Variants in ATP5MC2 observed in about 807,000 individuals in gnomAD.
ATP5MC2 encodes the protein ATP synthase F(0) complex subunit C2, mitochondrial.
A neutral mutation model predicts 13.5 loss-of-function variants in ATP5MC2; 11 were observed. The observed-to-expected ratio is 0.81, with a 90% CI of 0.51 to 1.35. The LOEUF (loss-of-function observed/expected upper bound fraction) is 1.35, where lower values mean the gene tolerates loss of function less well. Ranked by LOEUF, ATP5MC2 falls within the 40% of genes most tolerant of loss-of-function variation. The pLI, the probability that ATP5MC2 is intolerant of heterozygous loss-of-function variation, is 0.00. For missense variants in ATP5MC2, 132 were observed against 175.0 expected (o/e 0.75, Z 1.39); for synonymous variants, 64 against 69.7 (o/e 0.92, Z 0.41).
upstream of ATP5MC2, chr12:53,676,297 TC>T: frequency 6.6e-7 from 1 of 1,517,226 alleles, no homozygotes; most frequent in South Asian, 1.3e-5. Flanking sequence ...TGAGGCCAAC[TC>T]CGCGGAGTAA....
upstream of ATP5MC2, among the ~76,000 whole-genome samples, chr12:53,679,271 G>T (rs1945327959): frequency 6.6e-6 from 1 of 150,772 alleles, no homozygotes. Context: ...GAGAGAGAGA[G>T]AGAGAGAGAC....
chr12:53,674,467 G>A (rs935679013), intron 1 of ATP5MC2, among the ~76,000 whole-genome samples: 1 of 152,230 alleles, frequency 6.6e-6, no homozygotes, highest in Non-Finnish European at 1.5e-5. Flanking sequence ...TGAAACTGTG[G>A]TAGTGGTAGA....
upstream of ATP5MC2, chr12:53,677,159 C>A: frequency 1.3e-5 from 2 of 152,968 alleles, no homozygotes; most frequent in South Asian, 3.7e-4. Context: ...TTTGTCCTCC[C>A]CTCCTTGGCC....
intron 4 of ATP5MC2, among the ~76,000 whole-genome samples, chr12:53,667,950 CACACACATATAT>C (rs1456324895): frequency 4.0e-3 from 149 of 37,260 alleles, no homozygotes; most frequent in African/African-American, 0.012. Context: ...TACATACATA[CACACACATATAT>C]ATATATATAT....
upstream of ATP5MC2, among the ~76,000 whole-genome samples, chr12:53,680,918 G>T (rs958995758): frequency 4.0e-5 from 6 of 151,690 alleles, no homozygotes; most frequent in African/African-American, 9.7e-5. Flanking sequence ...AATTATTTTT[G>T]TGGGGGAGGT....
chr12:53,670,054 A>G (rs2138029082), intron 2 of ATP5MC2, 106 bp from the exon 3 acceptor site: 2 of 1,005,512 alleles, frequency 2.0e-6, no homozygotes, highest in Non-Finnish European at 3.1e-6. Context: ...CTTTCCTCTC[A>G]TGGCCTTTCC....
At position 53,672,083 on chromosome 12, in the gene ATP5MC2, C is replaced by CAAAAAAAAAAAAAAAAAAAA. The variant is rs916010110; in HGVS notation, c.39+473_39+492dup. On this transcript the variant is annotated intron_variant, in intron 2 of 4. Coordinates refer to ENST00000394349, the MANE Select transcript of ATP5MC2 (RefSeq NM_005176.7). Reference sequence around the variant, plus strand: ...GGGCAACAAGAGCGAAACTCTGTCTCAAAAAAAAAAAAAAAAAAAAAATTA... The same window carrying CAAAAAAAAAAAAAAAAAAAA: ...GGGCAACAAGAGCGAAACTCTGTCTCAAAAAAAAAAAAAAAAAAAAAAAAAAAAAAAAAAAAAAAAAATTA... 7.6e-3 allele frequency among the ~76,000 whole-genome samples: 357 copies of CAAAAAAAAAAAAAAAAAAAA among 47,104 alleles called. 27 individuals are homozygous for CAAAAAAAAAAAAAAAAAAAA. The highest frequency in any genetic ancestry group is 0.015 in the East Asian group (17 of 1,106). 30.9% of individuals were successfully genotyped at this position (47,104 alleles called of 152,430 possible). A position where few individuals can be genotyped will look rare whatever the true frequency, so the allele number is the denominator to read the frequency against.
intron 1 of ATP5MC2, among the ~76,000 whole-genome samples, chr12:53,675,668 G>A (rs1172011500): frequency 1.3e-5 from 2 of 152,168 alleles, no homozygotes; most frequent in Non-Finnish European, 2.9e-5. Flanking sequence ...GAATAAAGAA[G>A]GCACAAGTCA....
chr12:53,669,833 AC>A, intron 3 of ATP5MC2, 37 bp downstream of exon 3: 5 of 1,605,264 alleles, frequency 3.1e-6, no homozygotes, highest in Admixed American at 1.7e-5. Flanking sequence ...CCCACCCATC[AC>A]CCCCAAAACC....
rs1191480700 is a variant in ATP5MC2 at position 53,665,430 on chromosome 12, T to C, written c.312-2A>G. Reference sequence around the variant, plus strand: ...AGCTGTTGCTTCAGAGAAGGGTTCCTGGTAGAAGGAGAAGAGAAAAGACTG... The same window carrying C: ...AGCTGTTGCTTCAGAGAAGGGTTCCCGGTAGAAGGAGAAGAGAAAAGACTG... On this transcript the variant is annotated splice_acceptor_variant, in intron 4 of 4. Coordinates refer to ENST00000394349, the MANE Select transcript of ATP5MC2 (RefSeq NM_005176.7). LOFTEE classifies it high-confidence loss of function. The C allele has an allele frequency of 6.2e-7, 1 of 1,609,470 alleles. No homozygotes were observed. The highest frequency in any genetic ancestry group is 1.1e-5 in the South Asian group (1 of 90,982).
chr12:53,672,556 C>T lies in ATP5MC2; in HGVS notation c.39+20G>A, dbSNP rs1462624172. On this transcript the variant is annotated intron_variant, in intron 2 of 4. Transcript: ENST00000394349. ...AAGATGTCTCTCCTTTAAAACTCTCCCAGAAAAGCAGGTACTCACCAAGGA... is the reference window on the plus strand; with the variant it reads ...AAGATGTCTCTCCTTTAAAACTCTCTCAGAAAAGCAGGTACTCACCAAGGA... 6.4e-7 allele frequency: 1 copy of T among 1,559,710 alleles called. No individual in the cohort carries two copies. The highest frequency in any genetic ancestry group is 8.7e-7 in the Non-Finnish European group (1 of 1,149,042).
At chr12:53,679,238 C>CGAGAGA (rs59340879), upstream of ATP5MC2, among the ~76,000 whole-genome samples, 7,460 of 127,568 alleles carry the variant, frequency 0.058, 354 homozygotes, top group East Asian at 0.1. Context: ...ATTTTAAAAA[C>CGAGAGA]GAGAGAGAGA....
chr12:53,668,046 T>G lies in ATP5MC2; in HGVS notation c.311+1102A>C, dbSNP rs184196332. 1.8e-3 allele frequency among the ~76,000 whole-genome samples: 257 copies of G among 143,872 alleles called. 3 individuals carry two copies. The highest frequency in any genetic ancestry group is 5.8e-3 in the African/African-American group (230 of 39,460). 94.4% of individuals were successfully genotyped at this position (143,872 alleles called of 152,430 possible). ...CTCTGTTGCCCAGACTGGAATGCAG[T>G]GGCACCATCTTGGCTCACTGTAACC... On this transcript the variant is annotated intron_variant, in intron 4 of 4. Coordinates refer to ENST00000394349, the MANE Select transcript of ATP5MC2 (RefSeq NM_005176.7).
rs1371515409 is a variant in ATP5MC2 at position 53,669,310 on chromosome 12, AG to A, written c.148del (p.Thr51ProfsTer58). The A allele has an allele frequency of 6.2e-7, 1 of 1,613,972 alleles. No homozygotes were observed. On this transcript the variant is annotated frameshift_variant, in exon 4 of 5. Coordinates refer to ENST00000394349, the MANE Select transcript of ATP5MC2 (RefSeq NM_005176.7). LOFTEE classifies it high-confidence loss of function. ...GCTGCGGCTAGAGACAAGTGAGGTA[AG>A]GGGACATGAGACTGCCAAGCTGCTG... is the stretch of plus-strand genomic sequence containing the variant. ...SLSSLAVSCPLTSLVSSRSFQ... is the reference protein window; with the variant it reads ...SLSSLAVSCPXTSLVSSRSFQ...
intron 3 of ATP5MC2, 72 bp downstream of exon 3, chr12:53,669,799 T>G: frequency 6.7e-7 from 1 of 1,497,938 alleles, no homozygotes; most frequent in Non-Finnish European, 9.3e-7. Context: ...GCATTCTACC[T>G]CCTGGTTCTG....
intron 1 of ATP5MC2, among the ~76,000 whole-genome samples, chr12:53,674,566 T>C (rs574463957): frequency 5.3e-4 from 81 of 152,364 alleles, no homozygotes; most frequent in African/African-American, 1.9e-3. Flanking sequence ...GGCTATTAAA[T>C]ACCACTTCAT....
At chr12:53,667,440 G>T (rs1944946436) in intron 4 of ATP5MC2, among the ~76,000 whole-genome samples, 1 of 152,180 alleles carries the variant, frequency 6.6e-6, no homozygotes, top group Non-Finnish European at 1.5e-5. Flanking sequence ...TTTAGGTTTT[G>T]TGGGCCGCAT....
upstream of ATP5MC2, among the ~76,000 whole-genome samples, chr12:53,680,951 T>C (rs936568718): frequency 6.6e-6 from 1 of 152,052 alleles, no homozygotes; most frequent in Non-Finnish European, 1.5e-5. Flanking sequence ...TTGTCGCCCA[T>C]GCTGGAGTGC....
chr12:53,680,623 A>G (rs1945335387), upstream of ATP5MC2, among the ~76,000 whole-genome samples: 1 of 152,146 alleles, frequency 6.6e-6, no homozygotes, highest in Admixed American at 6.5e-5. Context: ...TGAGCCCAGG[A>G]GTTTGAGACC....
Sources: allele counts gnomAD v4.1 joint callset (sites outside exome capture counted in the v4.1 genomes callset), GRCh38; gene constraint gnomAD v4.1.1; transcripts MANE v1.5; gene names NCBI Gene and HGNC (gene_info 2026-07-23, HGNC 2026-07-21).